Variants in CAST observed in about 807,000 individuals in gnomAD.
The protein encoded by CAST is calpastatin.
A neutral mutation model predicts 119.6 loss-of-function variants in CAST; 76 were observed. The observed-to-expected ratio is 0.64, with a 90% confidence interval of 0.53 to 0.77. The LOEUF (loss-of-function observed/expected upper bound fraction) is 0.77. CAST is among the 30% of genes least tolerant of loss of function. The probability of loss-of-function intolerance (pLI) is 0.00; values close to 1 mark genes in which losing one functional copy is unlikely to be tolerated. For missense variants in CAST, 953 were observed against 946.5 expected (o/e 1.01, Z -0.09); for synonymous variants, 319 against 331.6 (o/e 0.96, Z 0.41).
At chr5:96,448,406 T>TTTCATTCATTCA in the CAST span, among the ~76,000 whole-genome samples, 2 of 152,164 alleles carry the variant, frequency 1.3e-5, no homozygotes, top group African/African-American at 4.8e-5. Context: ...ACTTGCTATA[T>TTTCATTCATTCA]TTCATTCATT....
At chr5:96,144,938 G>A in the CAST span, among the ~76,000 whole-genome samples, 2 of 152,072 alleles carry the variant, frequency 1.3e-5, no homozygotes, top group African/African-American at 4.8e-5. Context: ...AGAGAGATAC[G>A]GGTATGCTCC....
At chr5:96,176,952 C>T in the CAST span, among the ~76,000 whole-genome samples, 1 of 152,098 alleles carries the variant, frequency 6.6e-6, no homozygotes, top group Non-Finnish European at 1.5e-5. Flanking sequence ...GAAATTGTAC[C>T]AAACTGGGAG....
At chr5:96,379,736 A>G in the CAST span, 1 of 152,196 alleles carries the variant, frequency 6.6e-6, no homozygotes. Flanking sequence ...TTTTGATTCT[A>G]TAGCATACAT....
At chr5:96,186,908 A>T in the CAST span, among the ~76,000 whole-genome samples, 1 of 152,224 alleles carries the variant, frequency 6.6e-6, no homozygotes, top group South Asian at 2.1e-4. Flanking sequence ...TATTTGGAAT[A>T]GTATCAGTAG....
At chr5:96,486,098 G>C in the CAST span, among the ~76,000 whole-genome samples, 3 of 152,120 alleles carry the variant, frequency 2.0e-5, no homozygotes, top group Non-Finnish European at 2.9e-5. Context: ...AGTAGATCAG[G>C]ACAGCTATAT....
chr5:96,491,447 C>T, the CAST span, among the ~76,000 whole-genome samples: 1 of 128,248 alleles, frequency 7.8e-6, no homozygotes. Context: ...GCCGAGATCA[C>T]GCCACTGCAC....
In CAST at chr5:96,768,295, GC is replaced by G. The variant is rs552711878; in HGVS notation, c.2268+297del. The G allele has an allele frequency of 9.8e-4, 403 of 409,758 alleles. 3 individuals carry two copies. In the Admixed American group the frequency reaches 0.013, roughly 13 times the overall value. The allele number at this position is 409,758 out of a possible 1,614,324, so 25.4% of individuals were successfully genotyped here. On this transcript the variant is annotated intron_variant, in intron 29 of 31. Coordinates refer to ENST00000675179, the MANE Select transcript of CAST (RefSeq NM_001750.7). ...AGAGGGGGTTTCGCCATGTTGCCAG[GC>G]TGGTCTCGAGCTCTTGGGCTCAAGT...
the CAST span, among the ~76,000 whole-genome samples, chr5:96,172,696 G>A: frequency 6.9e-3 from 1,051 of 152,272 alleles, 18 homozygotes; most frequent in African/African-American, 0.024. Flanking sequence ...AGTTTTCTGA[G>A]TTGCAAACAG....
At chr5:96,088,868 T>C in the CAST span, among the ~76,000 whole-genome samples, 1 of 151,930 alleles carries the variant, frequency 6.6e-6, no homozygotes, top group Non-Finnish European at 1.5e-5. Context: ...GGCCTGGCCT[T>C]GTTGTGCAGC....
At chr5:96,288,114 A>G in the CAST span, among the ~76,000 whole-genome samples, 1 of 152,142 alleles carries the variant, frequency 6.6e-6, no homozygotes, top group South Asian at 2.1e-4. Context: ...TTTGGTTTTT[A>G]AATTGCACAG....
the CAST span, among the ~76,000 whole-genome samples, chr5:96,221,455 T>A: frequency 6.6e-6 from 1 of 152,220 alleles, no homozygotes; most frequent in African/African-American, 2.4e-5. Flanking sequence ...AGTGTTTATA[T>A]ACACCAATAA....
chr5:96,645,826 T>C (rs2150204119), intron 1 of CAST, among the ~76,000 whole-genome samples: 1 of 151,214 alleles, frequency 6.6e-6, no homozygotes, highest in East Asian at 1.9e-4. Flanking sequence ...CATAGAAACT[T>C]GAAAGGAAAA....
chr5:96,056,381 A>G, the CAST span, among the ~76,000 whole-genome samples: 1 of 152,152 alleles, frequency 6.6e-6, no homozygotes, highest in Admixed American at 6.6e-5. Context: ...TTTGGGCTAT[A>G]AGAATGTTTA....
At chr5:96,340,640 T>G in the CAST span, among the ~76,000 whole-genome samples, 2 of 152,182 alleles carry the variant, frequency 1.3e-5, no homozygotes, top group African/African-American at 4.8e-5. Flanking sequence ...AAATCCTCCT[T>G]TGTTGCCTAA....
At chr5:96,246,121 A>AG in the CAST span, among the ~76,000 whole-genome samples, 27 of 151,796 alleles carry the variant, frequency 1.8e-4, no homozygotes, top group African/African-American at 6.0e-4. Context: ...CACAGACTCC[A>AG]GCATCCCAAC....
the CAST span, among the ~76,000 whole-genome samples, chr5:96,397,699 T>G: frequency 6.6e-6 from 1 of 152,196 alleles, no homozygotes; most frequent in African/African-American, 2.4e-5. Context: ...TTTGCCTCAA[T>G]AAATATTGTG....
the CAST span, among the ~76,000 whole-genome samples, chr5:96,049,086 G>A: frequency 6.6e-6 from 1 of 152,160 alleles, no homozygotes; most frequent in African/African-American, 2.4e-5. Context: ...AAGGCAACAG[G>A]GAGACTTTGA....
At chr5:96,231,601 A>G in the CAST span, among the ~76,000 whole-genome samples, 1 of 152,124 alleles carries the variant, frequency 6.6e-6, no homozygotes, top group Admixed American at 6.6e-5. Context: ...TCTAAATACC[A>G]TTGGATTGTA....
the CAST span, among the ~76,000 whole-genome samples, chr5:96,290,340 T>C: frequency 1.7e-4 from 26 of 152,216 alleles, no homozygotes; most frequent in Non-Finnish European, 3.1e-4. Flanking sequence ...AAGTTCATTC[T>C]CTTTACCAGG....
Sources: allele counts gnomAD v4.1 joint callset (sites outside exome capture counted in the v4.1 genomes callset), GRCh38; gene constraint gnomAD v4.1.1; transcripts MANE v1.5; gene names NCBI Gene and HGNC (gene_info 2026-07-23, HGNC 2026-07-21).